The following DPH6 variants were observed in gnomAD, a reference collection of about 807,000 sequenced individuals.
DPH6 encodes the protein diphthine--ammonia ligase.
In DPH6, 33 loss-of-function variants were observed where a neutral mutation model predicts 38.2. The observed-to-expected ratio is 0.86, with a 90% CI of 0.65 to 1.15. DPH6 has a LOEUF of 1.15. Ranked by LOEUF, DPH6 falls within the 50% of genes most tolerant of loss-of-function variation. The pLI is 0.00. For synonymous variants in DPH6, 108 were observed against 103.0 expected (o/e 1.05, Z -0.30); for missense variants, 325 against 320.0 (o/e 1.02, Z -0.12).
At chr15:35,393,013 G>A (rs80336754) in intron 6 of DPH6, among the ~76,000 whole-genome samples, 4,646 of 152,258 alleles carry the variant, frequency 0.031, 217 homozygotes, top group African/African-American at 0.11. Flanking sequence ...GGTCTTACAC[G>A]GCTTCATAAG....
intron 3 of DPH6, among the ~76,000 whole-genome samples, chr15:35,254,406 G>A (rs1476554345): frequency 1.3e-5 from 2 of 152,094 alleles, no homozygotes; most frequent in Non-Finnish European, 2.9e-5. Context: ...AATATTCATG[G>A]AGCTCTGTAA....
chr15:35,441,947 G>A (rs1180519150), intron 5 of DPH6, among the ~76,000 whole-genome samples: 1 of 151,938 alleles, frequency 6.6e-6, no homozygotes, highest in Non-Finnish European at 1.5e-5. Flanking sequence ...AGAAAACATA[G>A]GAGTAAATCT....
chr15:35,305,343 G>C (rs2052081451), intron 3 of DPH6, among the ~76,000 whole-genome samples: 1 of 147,626 alleles, frequency 6.8e-6, no homozygotes, highest in Non-Finnish European at 1.5e-5. Flanking sequence ...AGGTCTTAAA[G>C]AATGTTGAGC....
intron 3 of DPH6, among the ~76,000 whole-genome samples, chr15:35,306,908 G>A (rs964685401): frequency 6.6e-6 from 1 of 152,186 alleles, no homozygotes; most frequent in Non-Finnish European, 1.5e-5. Flanking sequence ...CTGGGTGGAT[G>A]TTGTCACGTG....
intron 3 of DPH6, among the ~76,000 whole-genome samples, chr15:35,504,736 T>C (rs1247412676): frequency 6.6e-6 from 1 of 152,032 alleles, no homozygotes; most frequent in African/African-American, 2.4e-5. Context: ...TAATCTTAAT[T>C]AATCACTGTT....
intron 3 of DPH6, among the ~76,000 whole-genome samples, chr15:35,474,842 ATAGT>A (rs1416676556): frequency 1.3e-5 from 2 of 152,094 alleles, no homozygotes; most frequent in Admixed American, 6.5e-5. Flanking sequence ...TAGGAAGGAA[ATAGT>A]TAGAATACCG....
At chr15:35,250,239 A>G (rs1274636215) in intron 3 of DPH6, among the ~76,000 whole-genome samples, 1 of 151,944 alleles carries the variant, frequency 6.6e-6, no homozygotes, top group Admixed American at 6.6e-5. Flanking sequence ...ATTATATAAG[A>G]TATACCCTAA....
intron 3 of DPH6, among the ~76,000 whole-genome samples, chr15:35,484,649 T>A (rs1189775036): frequency 6.6e-6 from 1 of 152,172 alleles, no homozygotes; most frequent in Admixed American, 6.5e-5. Flanking sequence ...AGAGAATGCA[T>A]ACAAGACAAA....
At chr15:35,389,294 G>T (rs2053018374) in intron 6 of DPH6, among the ~76,000 whole-genome samples, 1 of 152,104 alleles carries the variant, frequency 6.6e-6, no homozygotes, top group Non-Finnish European at 1.5e-5. Flanking sequence ...GTGTGGTGTG[G>T]TGCTGAAAAG....
At chr15:35,517,483 G>A (rs2054862949) in intron 3 of DPH6, among the ~76,000 whole-genome samples, 1 of 152,032 alleles carries the variant, frequency 6.6e-6, no homozygotes, top group South Asian at 2.1e-4. Flanking sequence ...AAGCCAGAAT[G>A]TAATTTTAAA....
intron 3 of DPH6, among the ~76,000 whole-genome samples, chr15:35,517,171 T>C (rs78595774): frequency 0.04 from 6,064 of 152,148 alleles, 174 homozygotes; most frequent in Non-Finnish European, 0.061. Flanking sequence ...AGAAGAATTT[T>C]TTTTGGAGGA....
intron 3 of DPH6, among the ~76,000 whole-genome samples, chr15:35,275,437 AAACT>A (rs2140430921): frequency 6.6e-6 from 1 of 152,316 alleles, no homozygotes; most frequent in African/African-American, 2.4e-5. Context: ...AATTCTCAGC[AAACT>A]AACACAGGAA....
intron 5 of DPH6, among the ~76,000 whole-genome samples, chr15:35,447,200 C>A (rs1477490478): frequency 1.3e-5 from 2 of 152,124 alleles, no homozygotes; most frequent in African/African-American, 4.8e-5. Context: ...CCCTTCTCTC[C>A]AGAAAACACA....
intron 5 of DPH6, among the ~76,000 whole-genome samples, chr15:35,438,398 C>T (rs1016970062): frequency 4.6e-5 from 7 of 152,148 alleles, no homozygotes; most frequent in African/African-American, 9.7e-5. Flanking sequence ...AGAAAAGGTG[C>T]CAAGGATTCC....
At chr15:35,500,811 C>T (rs1471258915) in intron 3 of DPH6, among the ~76,000 whole-genome samples, 2 of 152,074 alleles carry the variant, frequency 1.3e-5, no homozygotes, top group East Asian at 3.8e-4. Flanking sequence ...CTCACTCTGT[C>T]GCAGTGGCAT....
At chr15:35,480,930 T>C (rs953160938) in intron 3 of DPH6, among the ~76,000 whole-genome samples, 2 of 151,980 alleles carry the variant, frequency 1.3e-5, no homozygotes, top group African/African-American at 4.8e-5. Context: ...ATATAAATAG[T>C]ATATGTTTCC....
intron 5 of DPH6, among the ~76,000 whole-genome samples, chr15:35,431,158 C>G (rs181117445): frequency 6.6e-6 from 1 of 151,982 alleles, no homozygotes; most frequent in Non-Finnish European, 1.5e-5. Context: ...ACAGAAAAAG[C>G]GGCAAACGAA....
chr15:35,445,814 T>C (rs1168775305), intron 5 of DPH6, among the ~76,000 whole-genome samples: 2 of 152,368 alleles, frequency 1.3e-5, no homozygotes, highest in East Asian at 1.9e-4. Context: ...CCAACTTACA[T>C]TGCCACTGCG....
At chr15:35,341,118 G>A (rs1446163236) in intron 3 of DPH6, among the ~76,000 whole-genome samples, 3 of 151,930 alleles carry the variant, frequency 2.0e-5, no homozygotes, top group African/African-American at 7.3e-5. Context: ...GTGATTTCAG[G>A]AAGATCGTCT....
Sources: gnomAD v4.1 joint callset for allele counts (sites outside exome capture counted in the v4.1 genomes callset) on GRCh38, gnomAD v4.1.1 for gene constraint, MANE v1.5 for transcripts, NCBI Gene and HGNC (gene_info 2026-07-23, HGNC 2026-07-21) for gene names.